The following DCC variants were observed in gnomAD, a reference collection of about 807,000 sequenced individuals.
DCC encodes the protein DCC netrin 1 receptor, also known as netrin receptor DCC.
In DCC, 58 loss-of-function variants were observed where a neutral mutation model predicts 172.5. The observed-to-expected ratio is 0.34, with a 90% CI of 0.27 to 0.42. DCC has a LOEUF of 0.42. Ranked by LOEUF, DCC falls within the 10% of genes least tolerant of loss-of-function variation. DCC has a pLI of 1.00. For missense variants in DCC, 1,740 were observed against 1,791.0 expected, an observed-to-expected ratio of 0.97 and a Z score of 0.51; for synonymous variants, 709 against 644.5, an observed-to-expected ratio of 1.10 and a Z score of -1.52.
intron 1 of DCC, among the ~76,000 whole-genome samples, chr18:52,403,047 A>C (rs1459472330): frequency 2.0e-5 from 3 of 152,044 alleles, no homozygotes; most frequent in Non-Finnish European, 2.9e-5. Context: ...AATCATTAAC[A>C]GAAGGATTTG....
At chr18:52,398,959 G>GAAAT (rs1254898902) in intron 1 of DCC, among the ~76,000 whole-genome samples, 7 of 151,698 alleles carry the variant, frequency 4.6e-5, no homozygotes, top group Non-Finnish European at 1.0e-4. Flanking sequence ...AAAACCTATG[G>GAAAT]AAATAAATAA....
At chr18:53,326,997 C>A (rs1159599019) in intron 14 of DCC, among the ~76,000 whole-genome samples, 1 of 152,162 alleles carries the variant, frequency 6.6e-6, no homozygotes, top group Non-Finnish European at 1.5e-5. Context: ...CTCATTACTG[C>A]ATAACTCTGA....
At chr18:52,725,333 C>T (rs1387381166) in intron 1 of DCC, among the ~76,000 whole-genome samples, 1 of 152,222 alleles carries the variant, frequency 6.6e-6, no homozygotes, top group African/African-American at 2.4e-5. Flanking sequence ...ACTGTTCTGT[C>T]TTTTCAGAAT....
intron 15 of DCC, among the ~76,000 whole-genome samples, chr18:53,376,316 G>A (rs895203416): frequency 8.6e-5 from 13 of 152,024 alleles, no homozygotes; most frequent in African/African-American, 4.8e-5. Context: ...CCTAGGAGGC[G>A]GAGGTTGCAG....
chr18:52,497,278 AAAATATATATATAT>A (rs2030808807), intron 1 of DCC, among the ~76,000 whole-genome samples: 2 of 60,956 alleles, frequency 3.3e-5, no homozygotes, highest in East Asian at 4.8e-4. Flanking sequence ...AAAAAAAAAA[AAAATATATATATAT>A]ATATATATAT....
intron 1 of DCC, among the ~76,000 whole-genome samples, chr18:52,584,490 G>C (rs990484434): frequency 1.3e-5 from 2 of 152,166 alleles, no homozygotes; most frequent in South Asian, 4.1e-4. Context: ...AGTTTGCAGG[G>C]ACTCTCAGTA....
chr18:52,953,982 T>C (rs2040700402), intron 5 of DCC, among the ~76,000 whole-genome samples: 1 of 152,236 alleles, frequency 6.6e-6, no homozygotes, highest in African/African-American at 2.4e-5. Flanking sequence ...TGCCCTGATA[T>C]GTTTAAATTA....
intron 5 of DCC, among the ~76,000 whole-genome samples, chr18:53,061,395 A>G (rs574987152): frequency 6.6e-6 from 1 of 152,174 alleles, no homozygotes; most frequent in East Asian, 1.9e-4. Context: ...TTTTAGTCTC[A>G]ACCCAGTCAA....
intron 12 of DCC, among the ~76,000 whole-genome samples, chr18:53,293,329 T>G (rs2057026920): frequency 6.6e-6 from 1 of 152,198 alleles, no homozygotes; most frequent in African/African-American, 2.4e-5. Flanking sequence ...TGCAGCTAGA[T>G]AGAACATCTA....
chr18:52,466,787 A>G (rs1432831623), intron 1 of DCC, among the ~76,000 whole-genome samples: 1 of 152,184 alleles, frequency 6.6e-6, no homozygotes, highest in Non-Finnish European at 1.5e-5. Flanking sequence ...ATAAAAAGAA[A>G]ATGTATCTAA....
intron 14 of DCC, among the ~76,000 whole-genome samples, chr18:53,335,893 AG>A (rs1203736195): frequency 6.6e-6 from 1 of 152,134 alleles, no homozygotes; most frequent in Non-Finnish European, 1.5e-5. Flanking sequence ...GTGCAGGGAA[AG>A]TCCCCTTTAT....
At chr18:53,382,843 C>A (rs1343177655) in intron 15 of DCC, among the ~76,000 whole-genome samples, 3 of 152,050 alleles carry the variant, frequency 2.0e-5, no homozygotes, top group African/African-American at 7.2e-5. Flanking sequence ...CTCTTGAATC[C>A]ATGTGGTTTA....
chr18:53,302,591 T>A (rs1445070794), intron 12 of DCC, among the ~76,000 whole-genome samples: 1 of 152,218 alleles, frequency 6.6e-6, no homozygotes, highest in African/African-American at 2.4e-5. Flanking sequence ...CTGGAACACA[T>A]CTTTCATTAG....
At chr18:52,737,355 C>G (rs1198079103) in intron 1 of DCC, among the ~76,000 whole-genome samples, 1 of 152,148 alleles carries the variant, frequency 6.6e-6, no homozygotes, top group African/African-American at 2.4e-5. Flanking sequence ...CTTTTTAAAG[C>G]CAATGAAAAA....
intron 5 of DCC, among the ~76,000 whole-genome samples, chr18:52,987,610 T>C (rs1479184503): frequency 6.6e-6 from 1 of 152,196 alleles, no homozygotes; most frequent in Non-Finnish European, 1.5e-5. Context: ...GCAGGTGGGT[T>C]ACATATCTGA....
intron 2 of DCC, among the ~76,000 whole-genome samples, chr18:52,831,229 G>A (rs978045854): frequency 2.6e-5 from 4 of 152,152 alleles, no homozygotes; most frequent in Non-Finnish European, 5.9e-5. Flanking sequence ...TGTCTAGAGT[G>A]AAGTGAGCAA....
chr18:52,664,533 C>T (rs555200382), intron 1 of DCC, among the ~76,000 whole-genome samples: 7 of 136,970 alleles, frequency 5.1e-5, no homozygotes, highest in African/African-American at 1.1e-4. Flanking sequence ...TGCAGTGGCG[C>T]GATCTCGGCT....
intron 1 of DCC, among the ~76,000 whole-genome samples, chr18:52,504,941 T>G (rs1309669019): frequency 1.3e-5 from 2 of 152,158 alleles, no homozygotes; most frequent in East Asian, 3.9e-4. Flanking sequence ...ACTGAATCTC[T>G]CTCAACCTTT....
Position 53,120,310 on chromosome 18 carries a change from G to A in DCC, c.1262-37046G>A, listed in dbSNP as rs141756365. On this transcript the variant is annotated intron_variant, in intron 7 of 28. Transcript: ENST00000442544. ...AGAATAAAAACATTTATAGAATTGC[G>A]TTTTAAATTTAGAATATAACCTTAG... Among the ~76,000 whole-genome samples, 1,188 of 151,646 alleles carry A rather than the reference G, an allele frequency of 7.8e-3. 7 individuals are homozygous for A. The highest frequency in any genetic ancestry group is 0.013 in the Non-Finnish European group (863 of 67,766).
Sources: allele counts gnomAD v4.1 joint callset (sites outside exome capture counted in the v4.1 genomes callset), GRCh38; gene constraint gnomAD v4.1.1; transcripts MANE v1.5; gene names NCBI Gene and HGNC (gene_info 2026-07-23, HGNC 2026-07-21).